Variants in CEP128 observed in about 807,000 individuals in gnomAD.
The protein encoded by CEP128 is centrosomal protein 128.
In CEP128, 132 loss-of-function variants were observed where a neutral mutation model predicts 156.7. The observed-to-expected ratio is 0.84, with a 90% CI of 0.73 to 0.97. The LOEUF is 0.97. Among genes scored for constraint, CEP128 ranks in the 50% least tolerant of loss-of-function variants. The pLI, the probability that CEP128 is intolerant of heterozygous loss-of-function variation, is 0.00. For synonymous variants in CEP128, 469 were observed against 448.9 expected (o/e 1.04, Z -0.57); for missense variants, 1,252 against 1,281.9 (o/e 0.98, Z 0.36).
intron 20 of CEP128, among the ~76,000 whole-genome samples, chr14:80,563,383 T>C (rs1890769970): frequency 6.6e-6 from 1 of 152,136 alleles, no homozygotes; most frequent in Admixed American, 6.5e-5. Context: ...CTTATTTTTG[T>C]GGTAATAGAC....
intron 6 of CEP128, among the ~76,000 whole-genome samples, chr14:80,903,924 T>C (rs1212542219): frequency 6.6e-6 from 1 of 152,014 alleles, no homozygotes; most frequent in East Asian, 1.9e-4. Context: ...TATGGAAAAC[T>C]GTATGGAGGG....
intron 19 of CEP128, among the ~76,000 whole-genome samples, chr14:80,689,374 A>G (rs1033986399): frequency 2.4e-4 from 37 of 152,170 alleles, no homozygotes; most frequent in African/African-American, 8.4e-4. Context: ...ATCAAGCTAC[A>G]TCAAGCTAAA....
intron 21 of CEP128, among the ~76,000 whole-genome samples, chr14:80,531,924 C>A (rs1351861554): frequency 2.0e-5 from 3 of 152,200 alleles, no homozygotes; most frequent in Non-Finnish European, 4.4e-5. Flanking sequence ...CCAGCCCCTA[C>A]CATGAGGACC....
At chr14:80,583,420 C>T (rs1891671660) in intron 19 of CEP128, among the ~76,000 whole-genome samples, 1 of 151,960 alleles carries the variant, frequency 6.6e-6, no homozygotes, top group African/African-American at 2.4e-5. Flanking sequence ...GTCAAGAGGC[C>T]TAACTAACCT....
At chr14:80,569,476 T>C (rs1031803311) in intron 20 of CEP128, among the ~76,000 whole-genome samples, 15 of 152,206 alleles carry the variant, frequency 9.9e-5, no homozygotes, top group African/African-American at 3.6e-4. Context: ...TCGCCGGTAA[T>C]GACAGCTACT....
chr14:80,941,082 G>C (rs1449649432), intron 1 of CEP128, among the ~76,000 whole-genome samples: 1 of 152,182 alleles, frequency 6.6e-6, no homozygotes, highest in African/African-American at 2.4e-5. Context: ...ACTGCTAACA[G>C]CTAAGGCTGG....
intron 8 of CEP128, among the ~76,000 whole-genome samples, chr14:80,888,184 G>A (rs866206999): frequency 5.9e-5 from 9 of 152,026 alleles, no homozygotes; most frequent in Admixed American, 1.3e-4. Flanking sequence ...ATTTACAGTC[G>A]AATTCTACCA....
chr14:80,616,057 A>G (rs1893199060), intron 19 of CEP128, among the ~76,000 whole-genome samples: 1 of 152,112 alleles, frequency 6.6e-6, no homozygotes, highest in African/African-American at 2.4e-5. Flanking sequence ...AACTAAAACC[A>G]CATCTGTGCT....
chr14:80,596,987 A>G (rs1342606485), intron 19 of CEP128, among the ~76,000 whole-genome samples: 1 of 149,540 alleles, frequency 6.7e-6, no homozygotes, highest in Admixed American at 6.7e-5. Context: ...TCAAATGAAT[A>G]CCCTATGCTC....
intron 19 of CEP128, among the ~76,000 whole-genome samples, chr14:80,655,504 T>C (rs1895092184): frequency 6.6e-6 from 1 of 152,212 alleles, no homozygotes; most frequent in Non-Finnish European, 1.5e-5. Context: ...TCTTCCTCTC[T>C]GTCCCCTTTC....
At chr14:80,751,420 T>C (rs1276307766) in intron 18 of CEP128, among the ~76,000 whole-genome samples, 2 of 152,150 alleles carry the variant, frequency 1.3e-5, no homozygotes, top group African/African-American at 2.4e-5. Flanking sequence ...TCATTAAGTG[T>C]CTTGAGGAAG....
chr14:80,838,339 T>G, intron 10 of CEP128, 61 bp from the exon 11 acceptor site: 1 of 1,195,096 alleles, frequency 8.4e-7, no homozygotes, highest in Non-Finnish European at 1.2e-6. Context: ...ACTAAATTAT[T>G]ATGGGCACAG....
intron 13 of CEP128, among the ~76,000 whole-genome samples, chr14:80,819,232 C>T (rs1361875583): frequency 6.9e-6 from 1 of 145,114 alleles, no homozygotes; most frequent in Non-Finnish European, 1.5e-5. Context: ...AGCTCTCTGG[C>T]ATCTTCCTTT....
At chr14:80,901,098 C>T (rs112984354) in intron 6 of CEP128, among the ~76,000 whole-genome samples, 2,013 of 151,668 alleles carry the variant, frequency 0.013, 46 homozygotes, top group African/African-American at 0.045. Context: ...CCCAGCTACT[C>T]GGGAGGCTGA....
At chr14:80,627,639 A>C (rs1893785736) in intron 19 of CEP128, among the ~76,000 whole-genome samples, 1 of 152,198 alleles carries the variant, frequency 6.6e-6, no homozygotes, top group Non-Finnish European at 1.5e-5. Context: ...AAATATTTAG[A>C]AATTATTCAC....
At chr14:80,567,607 T>G (rs796469169) in intron 20 of CEP128, among the ~76,000 whole-genome samples, 23 of 152,328 alleles carry the variant, frequency 1.5e-4, no homozygotes, top group African/African-American at 5.5e-4. Context: ...AAGCACAACG[T>G]AATGTGGTAC....
chr14:80,836,455 C>T (rs1566660952), intron 11 of CEP128, 118 bp from the exon 12 acceptor site: 7 of 1,036,284 alleles, frequency 6.8e-6, no homozygotes, highest in African/African-American at 4.8e-5. Context: ...CATAGTGGAA[C>T]GGTTTCCTGC....
Position 80,953,323 on chromosome 14 carries a change from T to A in CEP128, c.-172+4855A>T, listed in dbSNP as rs1330681636. Among the ~76,000 whole-genome samples, 9 of 152,304 alleles carry A rather than the reference T, an allele frequency of 5.9e-5. No individual in the cohort carries two copies. The East Asian group carries it at 1.7e-3, about 29-fold the overall frequency. ...AAACACGGCCGGGCACGGTGGTGCA[T>A]GCCTGTAATCCCAGCACTTTGGGAG... On this transcript the variant is annotated intron_variant, in intron 2 of 7. Coordinates refer to the CEP128 transcript ENST00000555529.
At chr14:80,676,776 T>C (rs1415412390) in intron 19 of CEP128, among the ~76,000 whole-genome samples, 2 of 152,234 alleles carry the variant, frequency 1.3e-5, no homozygotes, top group Non-Finnish European at 2.9e-5. Context: ...TATGCAATTA[T>C]TACCATAATC....
Sources: gnomAD v4.1 joint callset for allele counts (sites outside exome capture counted in the v4.1 genomes callset) on GRCh38, gnomAD v4.1.1 for gene constraint, MANE v1.5 for transcripts, NCBI Gene and HGNC (gene_info 2026-07-23, HGNC 2026-07-21) for gene names.